Variants in PHKB observed in about 807,000 individuals in gnomAD.
PHKB encodes the protein phosphorylase b kinase regulatory subunit beta.
PHKB carries 122 observed loss-of-function variants against 152.1 expected under a neutral mutation model. That is an observed-to-expected ratio of 0.80 (90% CI 0.69 to 0.93). The LOEUF is 0.93. Ranked by LOEUF, PHKB falls within the 40% of genes least tolerant of loss-of-function variation. The probability of loss-of-function intolerance (pLI) is 0.00; values close to 1 mark genes in which losing one functional copy is unlikely to be tolerated. For synonymous variants in PHKB, 436 were observed against 464.9 expected, an observed-to-expected ratio of 0.94 and a Z score of 0.80; for missense variants, 1,304 against 1,328.4, an observed-to-expected ratio of 0.98 and a Z score of 0.29.
intron 8 of PHKB, among the ~76,000 whole-genome samples, chr16:47,584,871 T>C (rs1386379732): frequency 6.6e-6 from 1 of 152,230 alleles, no homozygotes. Context: ...AAGTGATTAA[T>C]GAAGAAAAGA....
chr16:47,540,568 G>A (rs557568434), intron 6 of PHKB, among the ~76,000 whole-genome samples: 6 of 151,826 alleles, frequency 4.0e-5, no homozygotes, highest in African/African-American at 7.2e-5. Context: ...CACCCCTGGC[G>A]GCCCAGCTGT....
At chr16:47,542,774 A>C (rs910379773) in intron 6 of PHKB, among the ~76,000 whole-genome samples, 1 of 152,084 alleles carries the variant, frequency 6.6e-6, no homozygotes, top group Non-Finnish European at 1.5e-5. Context: ...TGTGAATGGG[A>C]GTTTGCTCAT....
Position 47,499,260 on chromosome 16 carries a change from C to T in PHKB, c.167-496C>T, listed in dbSNP as rs71380994. 4.6e-3 allele frequency among the ~76,000 whole-genome samples: 699 copies of T among 152,314 alleles called. 1 individual carries two copies. Among genetic ancestry groups the T allele is most frequent in the Middle Eastern group, 0.01 (3 of 294 alleles). The stretch of plus-strand genomic sequence containing the variant: ...TAGTCATCAGTGAAACACAGGATTC[C>T]AGCCTGTTCTGTGATCTTCCCCTCG... On this transcript the variant is annotated intron_variant, in intron 2 of 30. Coordinates refer to ENST00000323584, the MANE Select transcript of PHKB (RefSeq NM_000293.3).
rs777020760 is a variant in PHKB at position 47,499,787 on chromosome 16, A to G, written c.198A>G (p.Pro66=). Residue 66 remains proline (P), a synonymous_variant, in exon 3 of 31, where the codon CCA becomes CCG. Coordinates refer to ENST00000323584, the MANE Select transcript of PHKB (RefSeq NM_000293.3). ...CAACATTGCTGCTGTATCAAAGTCC[A>G]ACTACCGGTCTCTTTCCCACTAAAA... The part of the protein sequence containing the change: ...VKSTLLLYQS[P]TTGLFPTKTC... The G allele has an allele frequency of 6.2e-7, 1 of 1,614,066 alleles. No individual in the cohort carries two copies. Among genetic ancestry groups the G allele is most frequent in the Admixed American group, 1.7e-5 (1 of 60,000 alleles).
In PHKB at chr16:47,515,528, CA is replaced by C. The variant is rs1242540921; in HGVS notation, c.522del (p.Val175CysfsTer11). On this transcript the variant is annotated frameshift_variant, in exon 6 of 31. Transcript: ENST00000323584. LOFTEE classifies it high-confidence loss of function. The stretch of plus-strand genomic sequence containing the variant: ...TGTTTCTGTTTGTTGCAGATAAATG[CA>C]GTGTCACTTTATCTCCTTTACCTTG... Reference protein sequence around the residue: ...YEEYGHLQINAVSLYLLYLVE... With the variant: ...YEEYGHLQINXVSLYLLYLVE... 3.6e-6 allele frequency: 5 copies of C among 1,393,014 alleles called. No individual in the cohort carries two copies. Among genetic ancestry groups the C allele is most frequent in the Non-Finnish European group, 5.1e-6 (5 of 979,044 alleles). The allele number at this position is 1,393,014 out of a possible 1,614,324, so 86.3% of individuals were successfully genotyped here. A position where few individuals can be genotyped will look rare whatever the true frequency, so the allele number is the denominator to read the frequency against.
intron 8 of PHKB, 94 bp downstream of exon 8, chr16:47,580,452 A>G (rs1971823572): frequency 1.1e-6 from 1 of 905,020 alleles, no homozygotes; most frequent in Non-Finnish European, 1.8e-6. Flanking sequence ...TTATAATCAG[A>G]GAATGTCCAA....
chr16:47,599,687 C>T (rs370594462), intron 13 of PHKB, among the ~76,000 whole-genome samples: 6 of 152,274 alleles, frequency 3.9e-5, no homozygotes, highest in African/African-American at 1.4e-4. Context: ...TCTCTTTTCC[C>T]TGCTGATCTT....
In PHKB at chr16:47,693,458, T is replaced by G; in HGVS notation, c.2846T>G (p.Leu949Arg). The G allele has an allele frequency of 6.2e-7, 1 of 1,614,110 alleles. No homozygotes were observed. The highest frequency in any genetic ancestry group is 8.5e-7 in the Non-Finnish European group (1 of 1,180,008). The change falls in exon 28 of 31, where the codon CTG becomes CGG. Residue 949 changes from leucine to arginine, a missense_variant. Transcript: ENST00000323584. ...TTCTATGACCGAGTGTGGCAGATTC[T>G]GGAGCGCACGCCCAATGGGATCATT... The part of the protein sequence containing the change: ...TGFYDRVWQI[L>R]ERTPNGIIVA...
intron 14 of PHKB, among the ~76,000 whole-genome samples, chr16:47,616,837 C>A (rs1972527991): frequency 6.6e-6 from 1 of 151,658 alleles, no homozygotes; most frequent in South Asian, 2.1e-4. Flanking sequence ...CAGAGATTTA[C>A]CCACATATTT....
chr16:47,477,131 A>G (rs1436230621), intron 1 of PHKB, among the ~76,000 whole-genome samples: 1 of 151,848 alleles, frequency 6.6e-6, no homozygotes, highest in Non-Finnish European at 1.5e-5. Flanking sequence ...GTTTTTACAT[A>G]TTTTCTGACA....
At chr16:47,464,075 C>G in intron 1 of PHKB, 1 of 919,730 alleles carries the variant, frequency 1.1e-6, no homozygotes, top group Non-Finnish European at 1.8e-6. Flanking sequence ...TATAAGATAT[C>G]ATTATGTCTT....
At chr16:47,629,341 A>G (rs926053642) in intron 14 of PHKB, among the ~76,000 whole-genome samples, 9 of 151,986 alleles carry the variant, frequency 5.9e-5, no homozygotes, top group African/African-American at 1.9e-4. Context: ...AAAACAAACA[A>G]CCCCATCAAA....
At chr16:47,671,053 T>G (rs1973629638) in intron 26 of PHKB, among the ~76,000 whole-genome samples, 1 of 152,170 alleles carries the variant, frequency 6.6e-6, no homozygotes, top group East Asian at 1.9e-4. Context: ...GAAAGGCAAA[T>G]CCATATCTTC....
Position 47,693,457 on chromosome 16 carries a change from C to G in PHKB, c.2845C>G (p.Leu949Val), listed in dbSNP as rs1974097396. Reference protein sequence around the residue: ...TGFYDRVWQILERTPNGIIVA... With the variant: ...TGFYDRVWQIVERTPNGIIVA... Reference sequence around the variant, plus strand: ...GTTCTATGACCGAGTGTGGCAGATTCTGGAGCGCACGCCCAATGGGATCAT... The same window carrying G: ...GTTCTATGACCGAGTGTGGCAGATTGTGGAGCGCACGCCCAATGGGATCAT... The change falls in exon 28 of 31, where the codon CTG becomes GTG. Residue 949 changes from leucine to valine, a missense_variant. Coordinates refer to ENST00000323584, the MANE Select transcript of PHKB (RefSeq NM_000293.3). The G allele has an allele frequency of 6.2e-7, 1 of 1,613,934 alleles. No individual in the cohort carries two copies. The highest frequency in any genetic ancestry group is 1.3e-5 in the African/African-American group (1 of 74,906).
At chr16:47,505,945 T>C (rs573349197) in intron 4 of PHKB, among the ~76,000 whole-genome samples, 4 of 143,016 alleles carry the variant, frequency 2.8e-5, no homozygotes, top group Admixed American at 7.4e-5. Context: ...AGGCACAAAA[T>C]CACTTGAACC....
intron 13 of PHKB, among the ~76,000 whole-genome samples, chr16:47,602,793 G>A (rs1418158113): frequency 6.6e-6 from 1 of 151,930 alleles, no homozygotes; most frequent in African/African-American, 2.4e-5. Context: ...TGTTTAAATG[G>A]TTCTTCCACT....
chr16:47,631,098 G>A (rs1164327318), intron 14 of PHKB, among the ~76,000 whole-genome samples: 2 of 152,064 alleles, frequency 1.3e-5, no homozygotes, highest in African/African-American at 4.8e-5. Flanking sequence ...CTCCGTAATT[G>A]TGTGAGCCAA....
chr16:47,547,993 C>T (rs1249154837), intron 7 of PHKB: 1 of 185,072 alleles, frequency 5.4e-6, no homozygotes, highest in Non-Finnish European at 1.1e-5. Flanking sequence ...ACACTGTTCA[C>T]ATAAAACTTA....
At chr16:47,509,494 C>T (rs962496891) in intron 4 of PHKB, among the ~76,000 whole-genome samples, 2 of 152,010 alleles carry the variant, frequency 1.3e-5, no homozygotes, top group East Asian at 3.9e-4. Context: ...ACAATATTGC[C>T]CAATAGAACT....
Sources: gnomAD v4.1 joint callset for allele counts (sites outside exome capture counted in the v4.1 genomes callset) on GRCh38, gnomAD v4.1.1 for gene constraint, MANE v1.5 for transcripts, NCBI Gene and HGNC (gene_info 2026-07-23, HGNC 2026-07-21) for gene names.